Variants in CREB5 observed in about 807,000 individuals in gnomAD.
CREB5 encodes cAMP responsive element binding protein 5.
CREB5 carries 19 observed loss-of-function variants against 57.1 expected under a neutral mutation model. That is an observed-to-expected ratio of 0.33 (90% confidence interval 0.23 to 0.49). The LOEUF (loss-of-function observed/expected upper bound fraction) is 0.49. CREB5 is among the 20% of genes least tolerant of loss of function. The pLI is 0.99. For missense variants in CREB5, 579 were observed against 671.6 expected (o/e 0.86, Z 1.52); for synonymous variants, 238 against 238.3 (o/e 1.00, Z 0.01).
At chr7:28,365,917 T>A (rs1227627303) in intron 1 of CREB5, among the ~76,000 whole-genome samples, 1 of 152,228 alleles carries the variant, frequency 6.6e-6, no homozygotes, top group Non-Finnish European at 1.5e-5. Context: ...ATATTGTTCA[T>A]CATAAGTTTA....
At chr7:28,492,057 T>C (rs778592310) in intron 2 of CREB5, among the ~76,000 whole-genome samples, 1 of 152,172 alleles carries the variant, frequency 6.6e-6, no homozygotes, top group African/African-American at 2.4e-5. Context: ...TGGAGTGCAA[T>C]GGCACGACCT....
At chr7:28,355,949 C>T (rs1027298649) in intron 1 of CREB5, among the ~76,000 whole-genome samples, 2 of 152,120 alleles carry the variant, frequency 1.3e-5, no homozygotes, top group African/African-American at 4.8e-5. Flanking sequence ...TCCATCAGGG[C>T]AATTCGTTGT....
chr7:28,335,107 G>A (rs1419851338), intron 1 of CREB5, among the ~76,000 whole-genome samples: 2 of 152,140 alleles, frequency 1.3e-5, no homozygotes, highest in Non-Finnish European at 2.9e-5. Context: ...TAGCTCTAAA[G>A]TATAATTTGA....
At chr7:28,500,758 T>A (rs1188699912) in intron 3 of CREB5, among the ~76,000 whole-genome samples, 1 of 152,210 alleles carries the variant, frequency 6.6e-6, no homozygotes, top group Non-Finnish European at 1.5e-5. Context: ...GGAGGGAAGA[T>A]GGCGTATCTC....
intron 5 of CREB5, among the ~76,000 whole-genome samples, chr7:28,708,218 A>C (rs190126311): frequency 6.6e-6 from 1 of 152,340 alleles, no homozygotes; most frequent in East Asian, 1.9e-4. Flanking sequence ...TCCTCTCAGC[A>C]CGCTATCACT....
chr7:28,546,411 G>T (rs1395129779), intron 4 of CREB5, among the ~76,000 whole-genome samples: 2 of 152,200 alleles, frequency 1.3e-5, no homozygotes, highest in Non-Finnish European at 2.9e-5. Context: ...AAACTTAGGA[G>T]TGGAATTTCT....
chr7:28,643,840 C>T (rs1583469543), intron 5 of CREB5, among the ~76,000 whole-genome samples: 1 of 151,496 alleles, frequency 6.6e-6, no homozygotes, highest in East Asian at 1.9e-4. Context: ...AGCACTTTGG[C>T]AGGGCCAAGG....
chr7:28,675,432 C>T lies in CREB5; in HGVS notation c.465-43321C>T, dbSNP rs78083844. ...GAACTTATGACTTTGGTTTTCCCTG[C>T]GTTATCAGTATATGAAATAAGGAAA... On this transcript the variant is annotated intron_variant, in intron 5 of 10. Coordinates refer to ENST00000357727, the MANE Select transcript of CREB5 (RefSeq NM_182898.4). Among the ~76,000 whole-genome samples, 48 of 152,140 alleles carry T rather than the reference C, an allele frequency of 3.2e-4. No homozygotes were observed. The East Asian group carries it at 8.9e-3, about 28-fold the overall frequency.
chr7:28,590,277 C>A (rs1680868560), intron 5 of CREB5, among the ~76,000 whole-genome samples: 1 of 151,970 alleles, frequency 6.6e-6, no homozygotes, highest in South Asian at 2.1e-4. Context: ...TGGAACCAAC[C>A]CAAATGTCCA....
chr7:28,592,783 T>C (rs935813764), intron 5 of CREB5, among the ~76,000 whole-genome samples: 1 of 152,244 alleles, frequency 6.6e-6, no homozygotes, highest in Admixed American at 6.5e-5. Context: ...ATGTGTTCTA[T>C]GTGCCAGGCC....
At chr7:28,364,429 G>A (rs565228448) in intron 1 of CREB5, among the ~76,000 whole-genome samples, 2 of 152,236 alleles carry the variant, frequency 1.3e-5, no homozygotes, top group African/African-American at 2.4e-5. Context: ...AAACAAAAAC[G>A]TTGAGTGTCA....
intron 5 of CREB5, among the ~76,000 whole-genome samples, chr7:28,686,805 C>T (rs1055532224): frequency 2.6e-5 from 4 of 152,302 alleles, no homozygotes; most frequent in African/African-American, 9.6e-5. Flanking sequence ...TTCACAGACG[C>T]TCCTTTTTTA....
At position 28,819,247 on chromosome 7, in the gene CREB5, A is replaced by C. The variant is rs762897250; in HGVS notation, c.1495A>C (p.Thr499Pro). 1.9e-6 allele frequency: 3 copies of C among 1,613,598 alleles called. No homozygotes were observed. The African/African-American group carries it at 4.0e-5, about 22-fold the overall frequency. The change falls in exon 11 of 11, where the codon ACT (threonine) becomes CCT (proline). Residue 499 changes from threonine to proline, a missense_variant. Physicochemically the swap from Thr to Pro is conservative, Grantham distance 38. This residue lies in a region of CREB5 where 114 missense variants were observed against 130.8 expected (regional missense o/e 0.87). Transcript: ENST00000357727. ...AAGCTCCACCCTCAGCCAGCTCACC[A>C]CTCACAGAACAGACCTGAATCCGAT... ...VGSSTLSQLTTHRTDLNPIL is the reference protein window; with the variant it reads ...VGSSTLSQLTPHRTDLNPIL
intron 1 of CREB5, among the ~76,000 whole-genome samples, chr7:28,330,143 A>G (rs1012526724): frequency 1.3e-5 from 2 of 152,196 alleles, no homozygotes; most frequent in African/African-American, 4.8e-5. Flanking sequence ...GCAAAACTGA[A>G]AAGTACAAAT....
intron 7 of CREB5, among the ~76,000 whole-genome samples, chr7:28,733,706 C>T (rs1234153547): frequency 1.3e-5 from 2 of 152,192 alleles, no homozygotes; most frequent in Non-Finnish European, 2.9e-5. Flanking sequence ...AGCCTGCAAG[C>T]TCCATGAGAG....
In CREB5 at chr7:28,332,615, A is replaced by C. The variant is rs145052163; in HGVS notation, c.-25+33174A>C. Reference sequence around the variant, plus strand: ...ACCCCCAGCAACCTTCTCCTGGGCCAGTGGCACAGTCCCTGTGTCTTATAT... The same window carrying C: ...ACCCCCAGCAACCTTCTCCTGGGCCCGTGGCACAGTCCCTGTGTCTTATAT... On this transcript the variant is annotated intron_variant, in intron 1 of 9. Coordinates refer to the CREB5 transcript ENST00000396299. 4.0e-3 allele frequency among the ~76,000 whole-genome samples: 603 copies of C among 152,314 alleles called. 6 individuals are homozygous for C. The highest frequency in any genetic ancestry group is 0.014 in the African/African-American group (578 of 41,558).
At chr7:28,451,486 GTGTGTGTT>G (rs908329022) in intron 1 of CREB5, among the ~76,000 whole-genome samples, 8 of 119,974 alleles carry the variant, frequency 6.7e-5, no homozygotes, top group Non-Finnish European at 1.3e-4. Flanking sequence ...GTGTGTGTGT[GTGTGTGTT>G]TGTCTATATC....
intron 1 of CREB5, among the ~76,000 whole-genome samples, chr7:28,401,618 T>A (rs529803515): frequency 3.3e-5 from 5 of 152,270 alleles, no homozygotes; most frequent in African/African-American, 7.2e-5. Context: ...TGTGTCCAAG[T>A]GTTCTCATTG....
intron 1 of CREB5, among the ~76,000 whole-genome samples, chr7:28,352,363 C>T (rs970071607): frequency 6.6e-6 from 1 of 152,186 alleles, no homozygotes; most frequent in African/African-American, 2.4e-5. Flanking sequence ...CTGCACTGCG[C>T]ACCTCTGCTT....
Sources: allele counts gnomAD v4.1 joint callset (sites outside exome capture counted in the v4.1 genomes callset), GRCh38; gene constraint gnomAD v4.1.1; regional missense constraint gnomAD v4.1.1; transcripts MANE v1.5; gene names NCBI Gene and HGNC (gene_info 2026-07-23, HGNC 2026-07-21).